The following PLD2 variants were observed in gnomAD, a reference collection of about 807,000 sequenced individuals.
PLD2 encodes phospholipase D2.
A neutral mutation model predicts 119.8 loss-of-function variants in PLD2; 101 were observed. The ratio of observed to expected loss-of-function variants is 0.84; its 90% CI spans 0.72 to 0.99. PLD2 has a LOEUF of 0.99. Among genes scored for constraint, PLD2 ranks in the 50% least tolerant of loss-of-function variants. The probability of loss-of-function intolerance (pLI) is 0.00; values close to 1 mark genes in which losing one functional copy is unlikely to be tolerated. For synonymous variants in PLD2, 494 were observed against 482.8 expected (o/e 1.02, Z -0.30); for missense variants, 1,164 against 1,226.8 (o/e 0.95, Z 0.76).
chr17:4,811,030 CTT>C (rs1163616507), intron 10 of PLD2, 79 bp downstream of exon 10: 11 of 1,401,984 alleles, frequency 7.8e-6, no homozygotes, highest in African/African-American at 4.3e-5. Context: ...TTCATCCTCT[CTT>C]TTCTCATCTG....
chr17:4,811,419 G>A (rs1356788566), intron 10 of PLD2, among the ~76,000 whole-genome samples: 1 of 149,492 alleles, frequency 6.7e-6, no homozygotes, highest in Non-Finnish European at 1.5e-5. Context: ...CGGGATTACA[G>A]GCGCCCACCA....
At position 4,810,793 on chromosome 17, in the gene PLD2, C is replaced by T. The variant is rs1382679057; in HGVS notation, c.861-9C>T. 2 of 1,607,444 alleles carry T rather than the reference C, an allele frequency of 1.2e-6. No homozygotes were observed. Among genetic ancestry groups the T allele is most frequent in the Non-Finnish European group, 1.7e-6 (2 of 1,176,292 alleles). ...GAGGATTTATGGACATCTCATCGTT[C>T]CCATCCAGGTCCTTGATTCTCAAGT... is the stretch of plus-strand genomic sequence containing the variant. On this transcript the variant is annotated splice_polypyrimidine_tract_variant and intron_variant, in intron 9 of 24. Transcript: ENST00000263088.
chr17:4,818,893 G>C (rs1203180594), intron 21 of PLD2, 70 bp downstream of exon 21: 14 of 1,543,212 alleles, frequency 9.1e-6, no homozygotes, highest in Non-Finnish European at 1.1e-5. Context: ...CTGCAGGCCT[G>C]GGGGTGGGGG....
intron 23 of PLD2, chr17:4,821,504 C>A (rs1321242091): frequency 4.1e-6 from 1 of 244,328 alleles, no homozygotes; most frequent in Non-Finnish European, 8.0e-6. Context: ...AGTGATCCTC[C>A]CACTTCAGCC....
chr17:4,812,174 T>C (rs544093614), intron 10 of PLD2, among the ~76,000 whole-genome samples: 1 of 151,030 alleles, frequency 6.6e-6, no homozygotes, highest in Non-Finnish European at 1.5e-5. Context: ...TAGCGTGCAG[T>C]GGCACAATCT....
At chr17:4,811,297 CTTT>C (rs35190261) in intron 10 of PLD2, among the ~76,000 whole-genome samples, 3 of 77,844 alleles carry the variant, frequency 3.9e-5, no homozygotes, top group Non-Finnish European at 4.9e-5. Context: ...ATTTTCTTTT[CTTT>C]TTTTTTTTTT....
intron 23 of PLD2, among the ~76,000 whole-genome samples, chr17:4,820,755 T>C (rs1337147369): frequency 6.7e-6 from 1 of 148,494 alleles, no homozygotes; most frequent in Non-Finnish European, 1.5e-5. Context: ...TTTTTGTATT[T>C]TTAGTAGAGA....
rs769971863 is a variant in PLD2, at chr17:4,809,066, G to A, written c.384-34G>A. 3.9e-6 allele frequency: 6 copies of A among 1,540,552 alleles called. No individual in the cohort carries two copies. The Admixed American group carries it at 1.0e-4, about 26-fold the overall frequency. ...AGGAACCAGAGCACCCAGCCTCCCAGCTCTTACCTGACCTTCATCCATCCT... is the reference window on the plus strand; with the variant it reads ...AGGAACCAGAGCACCCAGCCTCCCAACTCTTACCTGACCTTCATCCATCCT... On this transcript the variant is annotated intron_variant, in intron 4 of 24. Coordinates refer to ENST00000263088, the MANE Select transcript of PLD2 (RefSeq NM_002663.5).
Position 4,815,862 on chromosome 17 carries a change from C to T in PLD2, c.1383C>T (p.Ala461=), listed in dbSNP as rs766857308. The change falls in exon 14 of 25, where the codon GCC becomes GCT. Residue 461 remains alanine, a synonymous_variant. Coordinates refer to ENST00000263088, the MANE Select transcript of PLD2 (RefSeq NM_002663.5). ...VVAFLGGLDL[A]YGRWDDLHYR... ...CATTCCTGGGGGGACTGGACCTTGC[C>T]TATGGCCGCTGGGATGACCTGCACT... is the stretch of plus-strand genomic sequence containing the variant. 1 of 1,614,136 alleles carries T rather than the reference C, an allele frequency of 6.2e-7. No individual in the cohort carries two copies. Among genetic ancestry groups the T allele is most frequent in the Non-Finnish European group, 8.5e-7 (1 of 1,180,016 alleles).
chr17:4,807,957 ACACT>A lies in PLD2; in HGVS notation c.110-25_110-22del. On this transcript the variant is annotated intron_variant, in intron 2 of 24. Coordinates refer to ENST00000263088, the MANE Select transcript of PLD2 (RefSeq NM_002663.5). This position sits in a 1 kb window ranked among gnomAD's most constrained non-coding sequence, Gnocchi z 5.4. ...AGGGGGCTGGGGCCTGTTGTGGTCTACACTCCTCGACTTTCTTTCCTCCCAGCCG... is the reference window on the plus strand; with the variant it reads ...AGGGGGCTGGGGCCTGTTGTGGTCTACCTCGACTTTCTTTCCTCCCAGCCG... 6.2e-7 allele frequency: 1 copy of A among 1,606,106 alleles called. No homozygotes were observed. Among genetic ancestry groups the A allele is most frequent in the Non-Finnish European group, 8.5e-7 (1 of 1,173,710 alleles).
Position 4,817,247 on chromosome 17 carries a change from C to T in PLD2, c.1803C>T (p.Cys601=), listed in dbSNP as rs1333824470. 1 of 1,608,082 alleles carries T rather than the reference C, an allele frequency of 6.2e-7. No homozygotes were observed. Among genetic ancestry groups the T allele is most frequent in the Non-Finnish European group, 8.5e-7 (1 of 1,174,558 alleles). ...CCTTCACACTTCCAGGAGGGCAGTG[C>T]ACCACCGTACAGGTGAGGCCCCCCA... ...QLPFTLPGGQ[C]TTVQVLRSVD... Residue 601 remains cysteine (C), a synonymous_variant, in exon 17 of 25, where the codon TGC becomes TGT. Transcript: ENST00000263088.
In PLD2 at chr17:4,815,488, C is replaced by T. The variant is rs372240941; in HGVS notation, c.1186C>T (p.Arg396Cys). ...MLKRKAEEGV[R>C]VSILLFKEVE... Reference sequence around the variant, plus strand: ...AACTCACCACCAGGAGGAGGGTGTCCGTGTGTCTATTCTGCTGTTTAAAGA... The same window carrying T: ...AACTCACCACCAGGAGGAGGGTGTCTGTGTGTCTATTCTGCTGTTTAAAGA... The change falls in exon 13 of 25, where the codon CGT becomes TGT. Residue 396 changes from arginine to cysteine, a missense_variant. Transcript: ENST00000263088. 1.1e-5 allele frequency: 18 copies of T among 1,608,126 alleles called. No homozygotes were observed. Among genetic ancestry groups the T allele is most frequent in the Middle Eastern group, 1.6e-4 (1 of 6,062 alleles).
intron 10 of PLD2, among the ~76,000 whole-genome samples, chr17:4,812,062 G>T (rs1055846647): frequency 1.3e-5 from 2 of 151,586 alleles, no homozygotes; most frequent in Non-Finnish European, 2.9e-5. Flanking sequence ...GGATCATCCT[G>T]CCTCGGCCTC....
At position 4,810,048 on chromosome 17, in the gene PLD2, G is replaced by A. The variant is rs1430085408; in HGVS notation, c.860+19G>A. The A allele has an allele frequency of 6.2e-7, 1 of 1,611,060 alleles. No homozygotes were observed. The highest frequency in any genetic ancestry group is 8.5e-7 in the Non-Finnish European group (1 of 1,179,516). On this transcript the variant is annotated intron_variant, in intron 9 of 24. Transcript: ENST00000263088. ...CCCACAGGTGAGGCCTCCCTGGGGTGAGAGACACCAGCTGAGTGGTGAGCC... is the reference window on the plus strand; with the variant it reads ...CCCACAGGTGAGGCCTCCCTGGGGTAAGAGACACCAGCTGAGTGGTGAGCC...
At position 4,818,277 on chromosome 17, in the gene PLD2, G is replaced by A. The variant is rs188072571; in HGVS notation, c.1921-20G>A. The A allele has an allele frequency of 3.1e-3, 4,986 of 1,604,096 alleles. 9 individuals carry two copies. Among genetic ancestry groups the A allele is most frequent in the Middle Eastern group, 5.8e-3 (35 of 6,038 alleles). On this transcript the variant is annotated intron_variant, in intron 18 of 24. Coordinates refer to ENST00000263088, the MANE Select transcript of PLD2 (RefSeq NM_002663.5). ...GCCAGGGGCCAGGCTGCTGATGTCT[G>A]TCTCTGATTCTTGCCCCAGAATCAG...
In PLD2 at chr17:4,807,960, C is replaced by G. The variant is rs779819626; in HGVS notation, c.110-24C>G. On this transcript the variant is annotated intron_variant, in intron 2 of 24. Transcript: ENST00000263088. This position sits in a 1 kb window ranked among gnomAD's most constrained non-coding sequence, Gnocchi z 5.4. ...GGGCTGGGGCCTGTTGTGGTCTACACTCCTCGACTTTCTTTCCTCCCAGCC... is the reference window on the plus strand; with the variant it reads ...GGGCTGGGGCCTGTTGTGGTCTACAGTCCTCGACTTTCTTTCCTCCCAGCC... 2 of 1,606,308 alleles carry G rather than the reference C, an allele frequency of 1.2e-6. No homozygotes were observed. The highest frequency in any genetic ancestry group is 1.1e-5 in the South Asian group (1 of 90,770).
intron 14 of PLD2, among the ~76,000 whole-genome samples, chr17:4,816,382 C>CA (rs113078659): frequency 2.0e-3 from 262 of 129,420 alleles, no homozygotes; most frequent in African/African-American, 4.2e-3. Context: ...GACTCTGTCT[C>CA]AAAAAAAAAA....
chr17:4,807,590 A>C lies in PLD2; in HGVS notation c.-1-182A>C, dbSNP rs1035219289. On this transcript the variant is annotated intron_variant, in intron 1 of 24. Transcript: ENST00000263088. The surrounding 1 kb of genome is among the most constrained non-coding windows in gnomAD (Gnocchi z 5.4). Reference sequence around the variant, plus strand: ...GGGATTGTGGATGAAGGACTAAGGTAGGGGATGGGGGCTCGAAGGGGTCGG... The same window carrying C: ...GGGATTGTGGATGAAGGACTAAGGTCGGGGATGGGGGCTCGAAGGGGTCGG... The C allele has an allele frequency of 2.0e-6, 1 of 492,552 alleles. No homozygotes were observed. The highest frequency in any genetic ancestry group is 3.7e-6 in the Non-Finnish European group (1 of 269,182). The allele number at this position is 492,552 out of a possible 1,614,324, so 30.5% of individuals were successfully genotyped here. A position where few individuals can be genotyped will look rare whatever the true frequency, so the allele number is the denominator to read the frequency against.
At position 4,808,036 on chromosome 17, in the gene PLD2, G is replaced by C; in HGVS notation, c.162G>C (p.Val54=). The change falls in exon 3 of 25, where the codon GTG becomes GTC. Residue 54 remains valine, a synonymous_variant. Transcript: ENST00000263088. This position sits in a 1 kb window ranked among gnomAD's most constrained non-coding sequence, Gnocchi z 4.1. ...TCTATGAGCTTCAGTCTCTGAAAGT[G>C]CACCCCTTGGTGTTCGCACCTGGGG... ...LAIYELQSLK[V]HPLVFAPGVP... 3 of 1,612,962 alleles carry C rather than the reference G, an allele frequency of 1.9e-6. No homozygotes were observed. Among genetic ancestry groups the C allele is most frequent in the Non-Finnish European group, 2.5e-6 (3 of 1,179,048 alleles).
Sources: gnomAD v4.1 joint callset for allele counts (sites outside exome capture counted in the v4.1 genomes callset) on GRCh38, gnomAD v4.1.1 for gene constraint, Gnocchi (gnomAD v3.1) non-coding constraint, MANE v1.5 for transcripts, NCBI Gene and HGNC (gene_info 2026-07-23, HGNC 2026-07-21) for gene names.